The following CREB3L2 variants were observed in gnomAD, a reference collection of about 807,000 sequenced individuals.
The protein encoded by CREB3L2 is cyclic AMP-responsive element-binding protein 3-like protein 2.
A neutral mutation model predicts 57.2 loss-of-function variants in CREB3L2; 23 were observed. The observed-to-expected ratio is 0.40, with a 90% CI of 0.29 to 0.57. CREB3L2 has a LOEUF of 0.57. CREB3L2 is among the 20% of genes least tolerant of loss of function. The pLI, the probability that CREB3L2 is intolerant of heterozygous loss-of-function variation, is 0.42. For synonymous variants in CREB3L2, 268 were observed against 265.1 expected (o/e 1.01, Z -0.11); for missense variants, 628 against 634.7 (o/e 0.99, Z 0.11).
chr7:137,974,054 TA>T (rs11305737), intron 1 of CREB3L2, among the ~76,000 whole-genome samples: 76,130 of 149,250 alleles, frequency 0.51, 21,568 homozygotes, highest in African/African-American at 0.78. Context: ...ATCTGCTCTT[TA>T]AAAAAAAAAA....
chr7:137,913,840 G>GT (rs1800068229), intron 3 of CREB3L2, among the ~76,000 whole-genome samples: 1 of 152,114 alleles, frequency 6.6e-6, no homozygotes, highest in Admixed American at 6.6e-5. Flanking sequence ...GTTGTAGAGC[G>GT]TAACTGTGCA....
intron 2 of CREB3L2, among the ~76,000 whole-genome samples, chr7:137,924,937 CTT>C (rs1800420197): frequency 6.6e-6 from 1 of 152,268 alleles, no homozygotes; most frequent in Non-Finnish European, 1.5e-5. Flanking sequence ...GTCACAAACT[CTT>C]TTGAGAATCT....
At chr7:137,996,080 G>A (rs547528760) in intron 1 of CREB3L2, among the ~76,000 whole-genome samples, 1 of 152,330 alleles carries the variant, frequency 6.6e-6, no homozygotes, top group Admixed American at 6.5e-5. Context: ...GGGCAGTGAG[G>A]GTTCCTCTCC....
intron 1 of CREB3L2, among the ~76,000 whole-genome samples, chr7:137,986,675 G>A (rs981473413): frequency 2.0e-5 from 3 of 152,142 alleles, no homozygotes; most frequent in Admixed American, 6.5e-5. Context: ...ATCCCACACC[G>A]AAACTGGGAG....
chr7:137,966,806 G>A (rs530720385), intron 1 of CREB3L2, among the ~76,000 whole-genome samples: 1 of 152,132 alleles, frequency 6.6e-6, no homozygotes, highest in East Asian at 1.9e-4. Context: ...CGCAGGAGCC[G>A]CATACTCCTC....
chr7:137,880,096 G>C lies in CREB3L2; in HGVS notation c.*380C>G. ...ATGGCATTTTTGTGGCCAGAGTCTG[G>C]GGTCTTGACTGAACAAGAGCCATCT... On this transcript the variant is annotated 3_prime_UTR_variant, in exon 12 of 12. Transcript: ENST00000330387. This position sits in a 1 kb window ranked among gnomAD's most constrained non-coding sequence, Gnocchi z 4.0. The C allele has an allele frequency of 6.5e-6, 2 of 306,050 alleles. No homozygotes were observed. The highest frequency in any genetic ancestry group is 1.2e-5 in the Non-Finnish European group (2 of 162,204). 19.0% of individuals were successfully genotyped at this position (306,050 alleles called of 1,614,324 possible).
At chr7:137,915,419 T>C (rs1800106245) in intron 3 of CREB3L2, among the ~76,000 whole-genome samples, 1 of 152,122 alleles carries the variant, frequency 6.6e-6, no homozygotes, top group Non-Finnish European at 1.5e-5. Context: ...ACTCAGCATC[T>C]CACTAGGAAA....
intron 3 of CREB3L2, among the ~76,000 whole-genome samples, chr7:137,914,399 A>T (rs771856588): frequency 1.1e-4 from 17 of 152,214 alleles, no homozygotes; most frequent in Non-Finnish European, 2.2e-4. Flanking sequence ...TGGGACGCTG[A>T]GGTGGGCGGG....
intron 1 of CREB3L2, among the ~76,000 whole-genome samples, chr7:137,984,001 C>A (rs1051368348): frequency 3.9e-5 from 6 of 152,196 alleles, no homozygotes; most frequent in Non-Finnish European, 8.8e-5. Flanking sequence ...GTTTGGGGAT[C>A]AGGGGATGAG....
At chr7:137,957,149 T>G (rs724065) in intron 1 of CREB3L2, among the ~76,000 whole-genome samples, 3,443 of 152,250 alleles carry the variant, frequency 0.023, 133 homozygotes, top group African/African-American at 0.078. Context: ...CTCCCCATCT[T>G]GAACACAGGT....
chr7:137,902,122 A>G (rs1399442491), intron 7 of CREB3L2, among the ~76,000 whole-genome samples: 1 of 142,318 alleles, frequency 7.0e-6, no homozygotes, highest in Non-Finnish European at 1.5e-5. Context: ...TGAACCTGGG[A>G]GGCAGAGGTT....
chr7:137,950,467 T>C (rs1229172853), intron 1 of CREB3L2, among the ~76,000 whole-genome samples: 1 of 152,188 alleles, frequency 6.6e-6, no homozygotes, highest in African/African-American at 2.4e-5. Context: ...TAAGGTGATA[T>C]TATCACCACT....
chr7:137,958,704 C>T (rs914062473), intron 1 of CREB3L2, among the ~76,000 whole-genome samples: 7 of 152,210 alleles, frequency 4.6e-5, no homozygotes, highest in African/African-American at 1.7e-4. Context: ...TCCCATGTCT[C>T]ACTTTCTGCA....
intron 1 of CREB3L2, among the ~76,000 whole-genome samples, chr7:137,994,554 C>T (rs918240138): frequency 2.0e-5 from 3 of 152,190 alleles, no homozygotes; most frequent in Non-Finnish European, 2.9e-5. Flanking sequence ...TCCTGGCTCC[C>T]ACCCCTCCCT....
Position 137,880,264 on chromosome 7 carries a change from T to G in CREB3L2, c.*212A>C, listed in dbSNP as rs1264440160. ...GCAGTAAGAGAAAGGAAGGGAGGGA[T>G]GCAGGCTCCCTTCTGCACAGGAGGG... On this transcript the variant is annotated 3_prime_UTR_variant, in exon 12 of 12. Transcript: ENST00000330387. The surrounding 1 kb of genome is among the most constrained non-coding windows in gnomAD (Gnocchi z 4.0). 2 of 572,344 alleles carry G rather than the reference T, an allele frequency of 3.5e-6. No individual in the cohort carries two copies. The highest frequency in any genetic ancestry group is 3.2e-6 in the Non-Finnish European group (1 of 315,908). 35.5% of individuals were successfully genotyped at this position (572,344 alleles called of 1,614,324 possible).
intron 1 of CREB3L2, among the ~76,000 whole-genome samples, chr7:137,941,271 T>G (rs1800875983): frequency 6.6e-6 from 1 of 152,154 alleles, no homozygotes; most frequent in African/African-American, 2.4e-5. Flanking sequence ...AATGAATTCA[T>G]CGATACAAGT....
chr7:137,936,637 GA>G (rs1223210577), intron 1 of CREB3L2, among the ~76,000 whole-genome samples: 24 of 152,254 alleles, frequency 1.6e-4, no homozygotes, highest in African/African-American at 5.3e-4. Flanking sequence ...TCCTGCCTGA[GA>G]AATGCTCACA....
chr7:137,915,773 G>A lies in CREB3L2; in HGVS notation c.495+64C>T, dbSNP rs1800115104. 3 of 1,423,532 alleles carry A rather than the reference G, an allele frequency of 2.1e-6. No homozygotes were observed. The East Asian group carries it at 6.9e-5, about 33-fold the overall frequency. The allele number at this position is 1,423,532 out of a possible 1,614,324, so 88.2% of individuals were successfully genotyped here. ...TCCAAAAAGATTAAACACCTTATTGGAGAATGAGGATCTATCTGTATCTTT... is the reference window on the plus strand; with the variant it reads ...TCCAAAAAGATTAAACACCTTATTGAAGAATGAGGATCTATCTGTATCTTT... On this transcript the variant is annotated intron_variant, in intron 3 of 11. Coordinates refer to ENST00000330387, the MANE Select transcript of CREB3L2 (RefSeq NM_194071.4).
intron 1 of CREB3L2, chr7:137,933,825 C>T (rs1335671646): frequency 6.6e-6 from 1 of 152,254 alleles, no homozygotes; most frequent in African/African-American, 2.4e-5. Flanking sequence ...GTGGTGGGCT[C>T]CAAGACTCAG....
Sources: allele counts gnomAD v4.1 joint callset (sites outside exome capture counted in the v4.1 genomes callset), GRCh38; gene constraint gnomAD v4.1.1; non-coding constraint Gnocchi (gnomAD v3.1); transcripts MANE v1.5; gene names NCBI Gene and HGNC (gene_info 2026-07-23, HGNC 2026-07-21).